OXNAD1: variants seen among roughly 807,000 people sequenced by gnomAD.
OXNAD1 encodes oxidoreductase NAD-binding domain-containing protein 1.
OXNAD1 carries 34 observed loss-of-function variants against 32.9 expected under a neutral mutation model. The ratio of observed to expected loss-of-function variants is 1.03; its 90% CI spans 0.79 to 1.38. The LOEUF (loss-of-function observed/expected upper bound fraction) is 1.38, where lower values mean the gene tolerates loss of function less well. Among genes scored for constraint, OXNAD1 ranks in the 40% most tolerant of loss-of-function variants. OXNAD1 has a pLI of 0.00. For synonymous variants in OXNAD1, 134 were observed against 135.2 expected (o/e 0.99, Z 0.06); for missense variants, 407 against 379.4 (o/e 1.07, Z -0.60).
chr3:16,269,785 CAATT>C (rs1379286248), intron 2 of OXNAD1, among the ~76,000 whole-genome samples: 2 of 152,122 alleles, frequency 1.3e-5, no homozygotes, highest in African/African-American at 2.4e-5. Context: ...CAATTTATCA[CAATT>C]AATTTATATA....
Position 16,271,485 on chromosome 3 carries a change from T to C in OXNAD1, c.120-174T>C, listed in dbSNP as rs546047268. Among the ~76,000 whole-genome samples the C allele has an allele frequency of 6.6e-6, 1 of 152,366 alleles. No homozygotes were observed. The highest frequency in any genetic ancestry group is 6.5e-5 in the Admixed American group (1 of 15,306). ...TCCCAAAGTGCTGAGATTACAGGCA[T>C]GAGCCACCATGCCCGGCCAAAACTT... On this transcript the variant is annotated intron_variant, in intron 3 of 8. Coordinates refer to ENST00000285083, the MANE Select transcript of OXNAD1 (RefSeq NM_138381.5). This position sits in a 1 kb window ranked among gnomAD's most constrained non-coding sequence, Gnocchi z 4.6.
intron 9 of OXNAD1, chr3:16,326,875 C>T (rs1171785562): frequency 6.2e-7 from 1 of 1,612,930 alleles, no homozygotes; most frequent in Non-Finnish European, 8.5e-7. Context: ...CACTTCGACA[C>T]CCTGGGGGAA....
chr3:16,344,488 G>A lies in OXNAD1; in HGVS notation c.*31-4688G>A, dbSNP rs758918680. 6.6e-6 allele frequency among the ~76,000 whole-genome samples: 1 copy of A among 152,070 alleles called. No homozygotes were observed. The highest frequency in any genetic ancestry group is 1.5e-5 in the Non-Finnish European group (1 of 68,020). ...TCTTCCCCACTCTCAGACCTGCCCT[G>A]GCCTTCTTCCCCCTCGCCCAACTAG... On this transcript the variant is annotated intron_variant, in intron 9 of 9. Coordinates refer to the OXNAD1 transcript ENST00000606098. The surrounding 1 kb of genome is among the most constrained non-coding windows in gnomAD (Gnocchi z 4.4).
downstream of OXNAD1, among the ~76,000 whole-genome samples, chr3:16,350,526 C>A (rs1163518594): frequency 6.6e-6 from 1 of 151,594 alleles, no homozygotes; most frequent in Non-Finnish European, 1.5e-5. Context: ...AGGCACTCAT[C>A]CATACATACT....
In OXNAD1 at chr3:16,316,169, T is replaced by C. The variant is rs1216564186; in HGVS notation, c.*30+12577T>C. ...AAAAACAACTTTTTGGCATTAATAC[T>C]AACACAGAATACTTCCTTGAACATT... is the stretch of plus-strand genomic sequence containing the variant. On this transcript the variant is annotated intron_variant, in intron 9 of 9. Transcript: ENST00000435829. This position sits in a 1 kb window ranked among gnomAD's most constrained non-coding sequence, Gnocchi z 4.5. 1 of 153,526 alleles carries C rather than the reference T, an allele frequency of 6.5e-6. No homozygotes were observed. Among genetic ancestry groups the C allele is most frequent in the Non-Finnish European group, 1.5e-5 (1 of 68,752 alleles). 9.5% of individuals were successfully genotyped at this position (153,526 alleles called of 1,614,324 possible).
At chr3:16,351,470 CAG>C (rs2072099161), downstream of OXNAD1, among the ~76,000 whole-genome samples, 1 of 152,244 alleles carries the variant, frequency 6.6e-6, no homozygotes, top group Admixed American at 6.5e-5. The surrounding 1 kb of genome is among the most constrained non-coding windows in gnomAD (Gnocchi z 5.4). Context: ...AATACGCAGG[CAG>C]AGAGTGGAGA....
chr3:16,278,324 A>G (rs1045384958), intron 4 of OXNAD1, among the ~76,000 whole-genome samples: 1 of 152,152 alleles, frequency 6.6e-6, no homozygotes, highest in Non-Finnish European at 1.5e-5. Flanking sequence ...CTTTTCCTAC[A>G]GTATCTTATG....
rs964513541 is a variant in OXNAD1, at chr3:16,321,196, G to A, written c.*31-15916G>A. 6.6e-6 allele frequency among the ~76,000 whole-genome samples: 1 copy of A among 152,096 alleles called. No homozygotes were observed. Among genetic ancestry groups the A allele is most frequent in the African/African-American group, 2.4e-5 (1 of 41,394 alleles). On this transcript the variant is annotated intron_variant, in intron 9 of 9. Transcript: ENST00000435829. The surrounding 1 kb of genome is among the most constrained non-coding windows in gnomAD (Gnocchi z 4.8). ...GAGGGGGACAGTCATAGGTTTCCTC[G>A]AGCCACAGGATGGATGGAGCTGGAG...
chr3:16,319,017 G>A lies in OXNAD1; in HGVS notation c.*30+15425G>A, dbSNP rs913435770. On this transcript the variant is annotated intron_variant, in intron 9 of 9. Coordinates refer to the OXNAD1 transcript ENST00000435829. ...TGATTTTAGCCCTCAGCATGACCGT[G>A]GCTGCCTCCACCAAGCCTCCATAGT... Among the ~76,000 whole-genome samples the A allele has an allele frequency of 3.3e-5, 5 of 152,174 alleles. No homozygotes were observed. In the East Asian group the frequency reaches 7.7e-4, roughly 23 times the overall value.
At position 16,265,643 on chromosome 3, in the gene OXNAD1, T is replaced by C. The variant is rs963246660; in HGVS notation, c.-159+138T>C. On this transcript the variant is annotated intron_variant, in intron 1 of 8. Transcript: ENST00000285083. This position sits in a 1 kb window ranked among gnomAD's most constrained non-coding sequence, Gnocchi z 4.8. Reference sequence around the variant, plus strand: ...CTTATAACATTATTAACGACGATGATTTTTAGTAATAGTAATAACATCACC... The same window carrying C: ...CTTATAACATTATTAACGACGATGACTTTTAGTAATAGTAATAACATCACC... 2 of 154,276 alleles carry C rather than the reference T, an allele frequency of 1.3e-5. No homozygotes were observed. Among genetic ancestry groups the C allele is most frequent in the African/African-American group, 2.4e-5 (1 of 41,480 alleles). 9.6% of individuals were successfully genotyped at this position (154,276 alleles called of 1,614,324 possible).
chr3:16,282,590 G>A (rs1247291435), intron 4 of OXNAD1, among the ~76,000 whole-genome samples: 6 of 152,060 alleles, frequency 3.9e-5, no homozygotes, highest in Non-Finnish European at 8.8e-5. Context: ...AAGAGAAGAG[G>A]GAGGACCTCA....
chr3:16,303,420 C>G lies in OXNAD1; in HGVS notation c.797C>G (p.Thr266Arg), dbSNP rs145275971. Residue 266 changes from threonine to arginine, a missense_variant, in exon 9 of 9, where the codon ACG (threonine) becomes AGG (arginine). Physicochemically the swap from Thr to Arg is moderately conservative, Grantham distance 71 (BLOSUM62 -1). Coordinates refer to ENST00000285083, the MANE Select transcript of OXNAD1 (RefSeq NM_138381.5). This position sits in a 1 kb window ranked among gnomAD's most constrained non-coding sequence, Gnocchi z 4.8. The part of the protein sequence containing the change: ...LKPYITEGRI[T>R]EKEIRDHISK... ...TGGTTTTTGGTAGAAGGAAGAATAA[C>G]GGAGAAGGAGATAAGAGATCATATT... 1 of 1,613,440 alleles carries G rather than the reference C, an allele frequency of 6.2e-7. No individual in the cohort carries two copies. Among genetic ancestry groups the G allele is most frequent in the Non-Finnish European group, 8.5e-7 (1 of 1,179,714 alleles).
In OXNAD1 at chr3:16,303,605, C is replaced by T; in HGVS notation, c.*43C>T. 6.3e-7 allele frequency: 1 copy of T among 1,590,236 alleles called. No homozygotes were observed. The highest frequency in any genetic ancestry group is 8.6e-7 in the Non-Finnish European group (1 of 1,166,254). On this transcript the variant is annotated 3_prime_UTR_variant, in exon 9 of 9. Transcript: ENST00000285083. The surrounding 1 kb of genome is among the most constrained non-coding windows in gnomAD (Gnocchi z 4.8). ...AAAAAATAAAGAGGTGAGATCTACT[C>T]AGGAGAGCTCCTGTCCTTTGTGGCA...
At chr3:16,350,904 T>C (rs2072053496), downstream of OXNAD1, among the ~76,000 whole-genome samples, 1 of 152,176 alleles carries the variant, frequency 6.6e-6, no homozygotes, top group Non-Finnish European at 1.5e-5. Context: ...AAATATTGGC[T>C]CCCTTGTGAA....
chr3:16,281,774 T>C (rs1176826954), intron 4 of OXNAD1, among the ~76,000 whole-genome samples: 1 of 152,182 alleles, frequency 6.6e-6, no homozygotes, highest in Non-Finnish European at 1.5e-5. Context: ...CTATCTAGTT[T>C]TGTTAAGGAA....
chr3:16,313,097 G>C (rs1370119325), intron 9 of OXNAD1, among the ~76,000 whole-genome samples: 1 of 150,718 alleles, frequency 6.6e-6, no homozygotes, highest in Non-Finnish European at 1.5e-5. Flanking sequence ...CCAGGCTGGA[G>C]TGCAGTGGTG....
rs2066391675 is a variant in OXNAD1 at position 16,290,953 on chromosome 3, A to G, written c.291-3903A>G. Among the ~76,000 whole-genome samples, 2 of 152,168 alleles carry G rather than the reference A, an allele frequency of 1.3e-5. No homozygotes were observed. The highest frequency in any genetic ancestry group is 1.3e-4 in the Admixed American group (2 of 15,280). On this transcript the variant is annotated intron_variant, in intron 5 of 8. Coordinates refer to ENST00000285083, the MANE Select transcript of OXNAD1 (RefSeq NM_138381.5). This position sits in a 1 kb window ranked among gnomAD's most constrained non-coding sequence, Gnocchi z 4.2. ...TGTGAAACACCTAGATTGGATGTTTATGTTTCCCAGATATGGGGATGAGAA... is the reference window on the plus strand; with the variant it reads ...TGTGAAACACCTAGATTGGATGTTTGTGTTTCCCAGATATGGGGATGAGAA...
rs921628767 is a variant in OXNAD1, at chr3:16,317,861, C to T, written c.*30+14269C>T. ...CTGCCCCAGGTGGGATACAACAACC[C>T]ATTTCCTGATCCCAATTTGGGATAA... On this transcript the variant is annotated intron_variant, in intron 9 of 9. Coordinates refer to the OXNAD1 transcript ENST00000435829. This position sits in a 1 kb window ranked among gnomAD's most constrained non-coding sequence, Gnocchi z 4.3. Among the ~76,000 whole-genome samples the T allele has an allele frequency of 2.0e-5, 3 of 152,194 alleles. No homozygotes were observed. Among genetic ancestry groups the T allele is most frequent in the Admixed American group, 6.5e-5 (1 of 15,278 alleles).
downstream of OXNAD1, among the ~76,000 whole-genome samples, chr3:16,342,095 G>A (rs992622001): frequency 1.3e-5 from 2 of 152,018 alleles, no homozygotes; most frequent in African/African-American, 4.8e-5. The surrounding 1 kb of genome is among the most constrained non-coding windows in gnomAD (Gnocchi z 4.0). Flanking sequence ...CAATTCAGTG[G>A]TTTATAATAT....
Sources: gnomAD v4.1 joint callset for allele counts (sites outside exome capture counted in the v4.1 genomes callset) on GRCh38, gnomAD v4.1.1 for gene constraint, Gnocchi (gnomAD v3.1) non-coding constraint, MANE v1.5 for transcripts, NCBI Gene and HGNC (gene_info 2026-07-23, HGNC 2026-07-21) for gene names.